Variants in BROX observed in about 807,000 individuals in gnomAD.
BROX encodes BRO1 domain and CAAX motif containing, also known as BRO1 domain-containing protein BROX.
BROX carries 53 observed loss-of-function variants against 61.0 expected under a neutral mutation model. The observed-to-expected ratio is 0.87, with a 90% CI of 0.70 to 1.09. The LOEUF (loss-of-function observed/expected upper bound fraction) is 1.09, where lower values mean the gene tolerates loss of function less well. BROX is among the 50% of genes least tolerant of loss of function. The pLI is 0.00. For synonymous variants in BROX, 152 were observed against 160.2 expected, an observed-to-expected ratio of 0.95 and a Z score of 0.38; for missense variants, 489 against 472.0, an observed-to-expected ratio of 1.04 and a Z score of -0.33.
intron 1 of BROX, chr1:222,713,339 G>T (rs1300824494): frequency 1.0e-6 from 1 of 985,744 alleles, no homozygotes. Context: ...CCGCTGCCTC[G>T]AACGGGACTG....
chr1:222,729,118 A>G (rs1033102477), intron 9 of BROX, among the ~76,000 whole-genome samples: 2 of 152,216 alleles, frequency 1.3e-5, no homozygotes, highest in Non-Finnish European at 2.9e-5. Context: ...CTGTGCATTG[A>G]GAAACATATT....
chr1:222,720,259 AT>A (rs1656970136), intron 4 of BROX, among the ~76,000 whole-genome samples: 1 of 152,130 alleles, frequency 6.6e-6, no homozygotes, highest in Non-Finnish European at 1.5e-5. Flanking sequence ...CATTCATTAA[AT>A]GTTCATTTCC....
chr1:222,714,585 T>TG (rs1558223706), intron 1 of BROX, among the ~76,000 whole-genome samples: 2 of 151,060 alleles, frequency 1.3e-5, no homozygotes, highest in South Asian at 2.1e-4. Flanking sequence ...GTTTTTTGTT[T>TG]TTTTTTTCCT....
At chr1:222,717,241 G>A (rs1041766405) in intron 2 of BROX, among the ~76,000 whole-genome samples, 6 of 152,092 alleles carry the variant, frequency 3.9e-5, no homozygotes, top group South Asian at 2.1e-4. Context: ...AATAAGCTGC[G>A]GGGTATACAA....
chr1:222,726,804 G>C (rs1657536182), intron 7 of BROX, among the ~76,000 whole-genome samples: 1 of 152,044 alleles, frequency 6.6e-6, no homozygotes, highest in Admixed American at 6.5e-5. Flanking sequence ...AGGATCACTT[G>C]AGCCTGAGAG....
At chr1:222,718,002 T>C (rs994621027) in intron 2 of BROX, 1 of 152,190 alleles carries the variant, frequency 6.6e-6, no homozygotes, top group African/African-American at 2.4e-5. Context: ...CTAAGCTAAT[T>C]GCCTTCTGGA....
chr1:222,732,033 A>G (rs1396709508), intron 12 of BROX, among the ~76,000 whole-genome samples: 1 of 152,198 alleles, frequency 6.6e-6, no homozygotes, highest in Non-Finnish European at 1.5e-5. Context: ...AATGAATAAG[A>G]ATTATTTTAC....
chr1:222,731,688 C>A (rs572129501), intron 12 of BROX, among the ~76,000 whole-genome samples, 172 bp downstream of exon 12: 1 of 152,240 alleles, frequency 6.6e-6, no homozygotes, highest in Admixed American at 6.5e-5. Flanking sequence ...AGAGATAAGA[C>A]CTCTAGGCCT....
chr1:222,713,255 G>A (rs1656205115), intron 1 of BROX: 5 of 986,214 alleles, frequency 5.1e-6, no homozygotes, highest in Non-Finnish European at 6.0e-6. Flanking sequence ...CGGGTTGACA[G>A]TATCGGCTTT....
At chr1:222,726,174 A>G (rs930893598) in intron 7 of BROX, among the ~76,000 whole-genome samples, 6 of 152,140 alleles carry the variant, frequency 3.9e-5, no homozygotes, top group African/African-American at 1.4e-4. Context: ...GCTTACCTTA[A>G]TGTCTTCACC....
intron 9 of BROX, 57 bp downstream of exon 9, chr1:222,728,885 T>C: frequency 2.3e-6 from 3 of 1,288,194 alleles, no homozygotes; most frequent in Non-Finnish European, 3.3e-6. Context: ...GCCCTTGGAG[T>C]GCCAGGTCTC....
At chr1:222,729,524 GTATGAAGGTACTAATTTA>G in intron 9 of BROX, 78 bp from the exon 10 acceptor site, 1 of 847,404 alleles carries the variant, frequency 1.2e-6, no homozygotes, top group Non-Finnish European at 1.9e-6. Flanking sequence ...ATACTTCAGT[GTATGAAGGTACTAATTTA>G]TCTGATAGAT....
intron 2 of BROX, among the ~76,000 whole-genome samples, chr1:222,717,479 C>T (rs1558226583): frequency 6.6e-6 from 1 of 152,152 alleles, no homozygotes; most frequent in Non-Finnish European, 1.5e-5. Flanking sequence ...AGGTGATGAT[C>T]AAGCATCAGT....
intron 1 of BROX, among the ~76,000 whole-genome samples, chr1:222,714,609 A>G (rs1656424399): frequency 1.4e-5 from 2 of 138,454 alleles, no homozygotes; most frequent in South Asian, 2.3e-4. Context: ...TCCTTTTTTG[A>G]GATAGGATCT....
intron 4 of BROX, among the ~76,000 whole-genome samples, chr1:222,720,697 C>G (rs1657021366): frequency 1.3e-5 from 2 of 151,798 alleles, no homozygotes; most frequent in South Asian, 4.2e-4. Flanking sequence ...CCTATAATCC[C>G]AGCTACTTGG....
chr1:222,725,634 G>A, intron 7 of BROX, 79 bp downstream of exon 7: 1 of 1,201,272 alleles, frequency 8.3e-7, no homozygotes. Context: ...CAGAAGTTGG[G>A]CACTGTGGCT....
chr1:222,713,218 G>C, intron 1 of BROX: 1 of 986,052 alleles, frequency 1.0e-6, no homozygotes. Flanking sequence ...ACTGGGGTTC[G>C]TTCGGCCGTT....
At chr1:222,714,463 G>A (rs1656393574) in intron 1 of BROX, among the ~76,000 whole-genome samples, 2 of 150,518 alleles carry the variant, frequency 1.3e-5, no homozygotes, top group Non-Finnish European at 2.9e-5. Context: ...CTCCCAAAGT[G>A]CTGGGATTAC....
chr1:222,725,125 C>G (rs2125025221), intron 6 of BROX, among the ~76,000 whole-genome samples: 1 of 152,218 alleles, frequency 6.6e-6, no homozygotes, highest in Non-Finnish European at 1.5e-5. Context: ...TGTGAATGAA[C>G]AGGCTATCCC....
Sources: allele counts gnomAD v4.1 joint callset (sites outside exome capture counted in the v4.1 genomes callset), GRCh38; gene constraint gnomAD v4.1.1; transcripts MANE v1.5; gene names NCBI Gene and HGNC (gene_info 2026-07-23, HGNC 2026-07-21).